The following FUT8 variants were observed in gnomAD, a reference collection of about 807,000 sequenced individuals.
The protein encoded by FUT8 is alpha-(1,6)-fucosyltransferase.
FUT8 carries 29 observed loss-of-function variants against 71.3 expected under a neutral mutation model. That is an observed-to-expected ratio of 0.41 (90% CI 0.30 to 0.55). The LOEUF (loss-of-function observed/expected upper bound fraction) is 0.55. Among genes scored for constraint, FUT8 ranks in the 20% least tolerant of loss-of-function variants. The pLI, the probability that FUT8 is intolerant of heterozygous loss-of-function variation, is 0.34. For synonymous variants in FUT8, 254 were observed against 239.3 expected (o/e 1.06, Z -0.57); for missense variants, 544 against 702.1 (o/e 0.77, Z 2.55).
chr14:65,626,580 G>A (rs923399561), intron 5 of FUT8, among the ~76,000 whole-genome samples: 1 of 152,122 alleles, frequency 6.6e-6, no homozygotes, highest in African/African-American at 2.4e-5. Context: ...GTGACTTTGA[G>A]CAAATTATTT....
Position 65,482,989 on chromosome 14 carries a change from G to A in FUT8, c.-228+27271G>A, listed in dbSNP as rs149168053. On this transcript the variant is annotated intron_variant, in intron 2 of 10. Transcript: ENST00000673929. ...TTCACCATTATCAGGCTTCTGCAGTGCTCAGAGGGCAGCAATACCCAGCAA... is the reference window on the plus strand; with the variant it reads ...TTCACCATTATCAGGCTTCTGCAGTACTCAGAGGGCAGCAATACCCAGCAA... Among the ~76,000 whole-genome samples, 407 of 152,280 alleles carry A rather than the reference G, an allele frequency of 2.7e-3. 4 individuals are homozygous for A. The highest frequency in any genetic ancestry group is 9.3e-3 in the African/African-American group (388 of 41,560).
At chr14:65,651,294 C>T (rs17181388) in intron 6 of FUT8, among the ~76,000 whole-genome samples, 6,835 of 152,322 alleles carry the variant, frequency 0.045, 196 homozygotes, top group Middle Eastern at 0.1. Context: ...TAGAATTGGG[C>T]TCTGCTGTGT....
chr14:65,650,010 T>TA (rs1891287488), intron 6 of FUT8, among the ~76,000 whole-genome samples: 1 of 152,070 alleles, frequency 6.6e-6, no homozygotes, highest in Admixed American at 6.6e-5. Flanking sequence ...TATAAAGAAA[T>TA]ACCTGGCTGG....
the FUT8 span, among the ~76,000 whole-genome samples, chr14:65,400,029 G>A: frequency 7.5e-3 from 1,137 of 152,294 alleles, 17 homozygotes; most frequent in African/African-American, 0.025. Flanking sequence ...TCTGATTCCA[G>A]AATTTTTAAA....
At chr14:65,366,032 C>T in the FUT8 span, among the ~76,000 whole-genome samples, 9 of 152,060 alleles carry the variant, frequency 5.9e-5, no homozygotes, top group Non-Finnish European at 1.3e-4. Context: ...AATAAACTTG[C>T]TCTCACTTTA....
At chr14:65,647,878 T>C (rs1891187460) in intron 6 of FUT8, among the ~76,000 whole-genome samples, 1 of 151,384 alleles carries the variant, frequency 6.6e-6, no homozygotes, top group South Asian at 2.1e-4. Flanking sequence ...TCATTAAAGG[T>C]TAAAAAAAAA....
intron 7 of FUT8, among the ~76,000 whole-genome samples, chr14:65,711,779 T>C (rs1894821455): frequency 6.6e-6 from 1 of 152,158 alleles, no homozygotes; most frequent in Admixed American, 6.6e-5. Flanking sequence ...AAATGTCATG[T>C]TTCAAAGATT....
intron 7 of FUT8, among the ~76,000 whole-genome samples, chr14:65,683,678 A>C (rs912009853): frequency 6.6e-6 from 1 of 152,186 alleles, no homozygotes; most frequent in Non-Finnish European, 1.5e-5. Flanking sequence ...TTTATTCTCA[A>C]AGAGAAAAAA....
chr14:65,456,456 C>T (rs1358357527), intron 2 of FUT8, among the ~76,000 whole-genome samples: 1 of 152,042 alleles, frequency 6.6e-6, no homozygotes, highest in East Asian at 1.9e-4. Context: ...AGTAGTGTTC[C>T]ATTTTATGGA....
intron 2 of FUT8, among the ~76,000 whole-genome samples, chr14:65,554,185 T>G (rs1433688802): frequency 4.6e-5 from 7 of 152,024 alleles, no homozygotes; most frequent in Non-Finnish European, 1.0e-4. Context: ...CTTTGTCTAA[T>G]CTTCTGATAA....
At chr14:65,612,327 T>C (rs1425591015) in intron 3 of FUT8, among the ~76,000 whole-genome samples, 3 of 152,210 alleles carry the variant, frequency 2.0e-5, no homozygotes, top group Non-Finnish European at 4.4e-5. Context: ...CTGGGGCACA[T>C]TTTCCTGCTA....
chr14:65,505,206 C>G (rs1412561344), intron 2 of FUT8, among the ~76,000 whole-genome samples: 1 of 151,368 alleles, frequency 6.6e-6, no homozygotes, highest in Non-Finnish European at 1.5e-5. Context: ...TAATTTTTTT[C>G]CTGATGTTTT....
intron 7 of FUT8, among the ~76,000 whole-genome samples, chr14:65,692,810 G>T (rs1327434802): frequency 6.6e-6 from 1 of 150,814 alleles, no homozygotes; most frequent in East Asian, 2.0e-4. Flanking sequence ...GGGCAGAGAC[G>T]CTCCTCACCT....
At chr14:65,569,632 A>G (rs1460595312) in intron 3 of FUT8, among the ~76,000 whole-genome samples, 1 of 151,898 alleles carries the variant, frequency 6.6e-6, no homozygotes. Flanking sequence ...TTTCTTAAAT[A>G]GTTATTCTAA....
chr14:65,690,886 G>A (rs896928858), intron 7 of FUT8, among the ~76,000 whole-genome samples: 2 of 151,588 alleles, frequency 1.3e-5, no homozygotes, highest in East Asian at 1.9e-4. Flanking sequence ...CCACCACACC[G>A]GGCTGATTTT....
At chr14:65,667,343 G>A (rs1369173015) in intron 6 of FUT8, among the ~76,000 whole-genome samples, 1 of 152,004 alleles carries the variant, frequency 6.6e-6, no homozygotes, top group Non-Finnish European at 1.5e-5. Context: ...TACAAAATCA[G>A]TGTACAAAAA....
intron 3 of FUT8, among the ~76,000 whole-genome samples, chr14:65,602,884 T>C (rs1036731404): frequency 2.6e-5 from 4 of 152,032 alleles, no homozygotes; most frequent in African/African-American, 9.6e-5. Context: ...TTCCTTGCTG[T>C]GGATTCTGTA....
the FUT8 span, among the ~76,000 whole-genome samples, chr14:65,363,015 C>A: frequency 1.8e-4 from 26 of 140,686 alleles, no homozygotes; most frequent in South Asian, 2.2e-4. Flanking sequence ...AAATGAGACT[C>A]AAAAAAAAAA....
chr14:65,616,335 T>C lies in FUT8; in HGVS notation c.444T>C (p.His148=). The change falls in exon 5 of 11, where the codon CAT becomes CAC. Residue 148 remains histidine, a synonymous_variant. Transcript: ENST00000673929. ...TAGAAGGAAATGAACTCCAAAGACA[T>C]GCAGATGAATTTCTTTTGGATTTAG... ...KNLEGNELQR[H]ADEFLLDLGH... 1 of 1,608,404 alleles carries C rather than the reference T, an allele frequency of 6.2e-7. No homozygotes were observed. Among genetic ancestry groups the C allele is most frequent in the Non-Finnish European group, 8.5e-7 (1 of 1,178,060 alleles).
Sources: allele counts gnomAD v4.1 joint callset (sites outside exome capture counted in the v4.1 genomes callset), GRCh38; gene constraint gnomAD v4.1.1; transcripts MANE v1.5; gene names NCBI Gene and HGNC (gene_info 2026-07-23, HGNC 2026-07-21).